PROM1: variants seen among roughly 807,000 people sequenced by gnomAD.
PROM1 encodes prominin-1.
A neutral mutation model predicts 116.9 loss-of-function variants in PROM1; 105 were observed. The observed-to-expected ratio is 0.90, with a 90% CI of 0.77 to 1.06. PROM1 has a LOEUF of 1.06. PROM1 is among the 50% of genes least tolerant of loss of function. PROM1 has a pLI of 0.00. For synonymous variants in PROM1, 393 were observed against 387.0 expected (o/e 1.02, Z -0.18); for missense variants, 1,122 against 1,045.2 (o/e 1.07, Z -1.01).
At chr4:16,007,892 G>A (rs904171414) in intron 12 of PROM1, among the ~76,000 whole-genome samples, 11 of 152,168 alleles carry the variant, frequency 7.2e-5, no homozygotes, top group Non-Finnish European at 1.2e-4. Flanking sequence ...TTTGTGGGGC[G>A]ATGACAAAAA....
chr4:16,032,440 A>G (rs1456194832), intron 5 of PROM1, among the ~76,000 whole-genome samples: 1 of 152,226 alleles, frequency 6.6e-6, no homozygotes, highest in East Asian at 1.9e-4. Context: ...GTAAAACTTG[A>G]AAAAAATCTT....
chr4:16,063,308 T>C (rs907767673), intron 2 of PROM1, among the ~76,000 whole-genome samples: 4 of 152,128 alleles, frequency 2.6e-5, no homozygotes, highest in Middle Eastern at 3.4e-3. Flanking sequence ...CAAAAATAGA[T>C]GTAAGGAGGC....
At chr4:16,025,113 T>C in intron 6 of PROM1, 79 bp downstream of exon 6, 1 of 1,483,288 alleles carries the variant, frequency 6.7e-7, no homozygotes, top group South Asian at 1.3e-5. Flanking sequence ...AAGGTTTGAT[T>C]GAGATTCCAA....
intron 2 of PROM1, among the ~76,000 whole-genome samples, chr4:16,046,465 G>A (rs186994641): frequency 9.5e-4 from 145 of 152,250 alleles, no homozygotes; most frequent in African/African-American, 3.3e-3. Context: ...AACAAATTCA[G>A]AAATGTCTAG....
chr4:16,012,286 T>C (rs551750120), intron 11 of PROM1, among the ~76,000 whole-genome samples: 1 of 152,280 alleles, frequency 6.6e-6, no homozygotes, highest in South Asian at 2.1e-4. Flanking sequence ...CGTGAGCCAC[T>C]GCGCCCAGCC....
chr4:16,057,221 C>T (rs1286849727), intron 2 of PROM1, among the ~76,000 whole-genome samples: 2 of 152,202 alleles, frequency 1.3e-5, no homozygotes, highest in African/African-American at 4.8e-5. Context: ...ATGTCACAAT[C>T]AATCACCCTT....
At chr4:16,009,157 A>G in intron 11 of PROM1, 49 bp from the exon 12 acceptor site, 1 of 1,546,390 alleles carries the variant, frequency 6.5e-7, no homozygotes, top group African/African-American at 1.4e-5. Flanking sequence ...TGGAGGAAAT[A>G]GAAACTTTGT....
Position 15,992,234 on chromosome 4 carries a change from C to T in PROM1, c.1911+14G>A, listed in dbSNP as rs79077926. The stretch of plus-strand genomic sequence containing the variant: ...TTTCTCCTAAAGGATCAAGCATGAA[C>T]ACATGCGCCATACCTGAGCCAAGTA... On this transcript the variant is annotated intron_variant, in intron 17 of 27. Transcript: ENST00000447510. The T allele has an allele frequency of 1.3e-3, 2,100 of 1,613,228 alleles. 16 individuals are homozygous for T. In the African/African-American group the frequency reaches 0.017, roughly 13 times the overall value.
intron 2 of PROM1, among the ~76,000 whole-genome samples, chr4:16,060,487 C>T (rs1237572258): frequency 6.6e-6 from 1 of 151,942 alleles, no homozygotes; most frequent in African/African-American, 2.4e-5. Context: ...CTAATTTTTG[C>T]ATTTTTTTGT....
chr4:16,009,087 G>T lies in PROM1; in HGVS notation c.1163C>A (p.Ser388Tyr), dbSNP rs267600054. Residue 388 changes from serine to tyrosine, a missense_variant, in exon 12 of 28, where the codon TCC becomes TAC. By Grantham distance (144) the Ser-to-Tyr change is moderately radical (BLOSUM62 -2). Coordinates refer to ENST00000447510, the MANE Select transcript of PROM1 (RefSeq NM_006017.3). The stretch of plus-strand genomic sequence containing the variant: ...TACATTGTCGATATCTGAACCAATG[G>T]AATTCAAGACCCTTTTGATACCTGA... ...VVAGIKRVLNSIGSDIDNVTQ... is the reference protein window; with the variant it reads ...VVAGIKRVLNYIGSDIDNVTQ... 3 of 1,612,998 alleles carry T rather than the reference G, an allele frequency of 1.9e-6. No homozygotes were observed. Among genetic ancestry groups the T allele is most frequent in the East Asian group, 2.2e-5 (1 of 44,870 alleles).
At chr4:16,025,932 T>G (rs2677793) in intron 5 of PROM1, among the ~76,000 whole-genome samples, 150,797 of 152,336 alleles carry the variant, frequency 0.99, 74,654 homozygotes, top group Middle Eastern at 1. Context: ...GCACCTATGT[T>G]TTATTTCATC....
intron 5 of PROM1, among the ~76,000 whole-genome samples, chr4:16,031,033 G>A (rs185628378): frequency 2.0e-3 from 309 of 152,170 alleles, no homozygotes; most frequent in Non-Finnish European, 2.4e-3. Flanking sequence ...GTGACACAGC[G>A]AGATTCTGTC....
At chr4:16,079,626 G>A (rs1280528572) in intron 1 of PROM1, among the ~76,000 whole-genome samples, 1 of 152,126 alleles carries the variant, frequency 6.6e-6, no homozygotes, top group Non-Finnish European at 1.5e-5. Context: ...AAAATGGGGT[G>A]TTTAGTTGAA....
intron 19 of PROM1, among the ~76,000 whole-genome samples, chr4:15,988,960 G>T (rs1446059789): frequency 6.6e-6 from 1 of 152,138 alleles, no homozygotes; most frequent in East Asian, 1.9e-4. Flanking sequence ...CCAAACCTGA[G>T]CAAGCTGATT....
In PROM1 at chr4:16,033,308, T is replaced by C. The variant is rs761899407; in HGVS notation, c.505A>G (p.Ile169Val). 3 of 1,611,604 alleles carry C rather than the reference T, an allele frequency of 1.9e-6. No individual in the cohort carries two copies. Among genetic ancestry groups the C allele is most frequent in the Non-Finnish European group, 2.5e-6 (3 of 1,178,126 alleles). The change falls in exon 5 of 28, where the codon ATA becomes GTA. Residue 169 changes from isoleucine to valine, a missense_variant. Transcript: ENST00000447510. ...GTTGTCCAATATTGTACTTGCCTTATTATTATACAAATCACCAACAGGGAG... is the reference window on the plus strand; with the variant it reads ...GTTGTCCAATATTGTACTTGCCTTACTATTATACAAATCACCAACAGGGAG... The part of the protein sequence containing the change: ...AISLLVICII[I>V]SIGIFYGFVA...
intron 7 of PROM1, 88 bp from the exon 8 acceptor site, chr4:16,023,503 C>T (rs1730439700): frequency 1.9e-6 from 2 of 1,074,318 alleles, no homozygotes; most frequent in African/African-American, 3.2e-5. Flanking sequence ...GCCTCAAGCC[C>T]CTCCTGCTGC....
chr4:15,995,346 A>G (rs1489403634), intron 15 of PROM1, among the ~76,000 whole-genome samples: 2 of 151,820 alleles, frequency 1.3e-5, no homozygotes, highest in Non-Finnish European at 2.9e-5. Context: ...AAGACGAAGA[A>G]GAAGAAGGAG....
At position 16,016,276 on chromosome 4, in the gene PROM1, G is replaced by T. The variant is rs1329951898; in HGVS notation, c.1003-36C>A. 4.0e-6 allele frequency: 6 copies of T among 1,485,352 alleles called. No individual in the cohort carries two copies. In the Admixed American group the frequency reaches 1.2e-4, roughly 30 times the overall value. 92.0% of individuals were successfully genotyped at this position (1,485,352 alleles called of 1,614,324 possible). On this transcript the variant is annotated intron_variant, in intron 9 of 27. Transcript: ENST00000447510. ...ATAAAACAAAATATAAGACAAGGTT[G>T]TTACCTTCAAAACAATTCCTCATGA...
intron 3 of PROM1, among the ~76,000 whole-genome samples, chr4:16,037,710 CT>C (rs893709898): frequency 6.6e-6 from 1 of 152,190 alleles, no homozygotes; most frequent in Non-Finnish European, 1.5e-5. Context: ...GACTGAGAAC[CT>C]GGCCAACACA....
Sources: gnomAD v4.1 joint callset for allele counts (sites outside exome capture counted in the v4.1 genomes callset) on GRCh38, gnomAD v4.1.1 for gene constraint, MANE v1.5 for transcripts, NCBI Gene and HGNC (gene_info 2026-07-23, HGNC 2026-07-21) for gene names.